Variants in EYS observed in about 807,000 individuals in gnomAD.
EYS encodes protein eyes shut homolog.
Under a neutral mutation model 282.1 loss-of-function variants are expected in EYS, and 250 were observed. The ratio of observed to expected loss-of-function variants is 0.89; its 90% confidence interval spans 0.80 to 0.98. The LOEUF is 0.98. Among genes scored for constraint, EYS ranks in the 50% least tolerant of loss-of-function variants. The probability of loss-of-function intolerance (pLI) is 0.00; values close to 1 mark genes in which losing one functional copy is unlikely to be tolerated. For synonymous variants in EYS, 1,355 were observed against 1,282.9 expected, an observed-to-expected ratio of 1.06 and a Z score of -1.20; for missense variants, 4,016 against 3,709.0, an observed-to-expected ratio of 1.08 and a Z score of -2.15.
intron 12 of EYS, among the ~76,000 whole-genome samples, chr6:65,252,830 T>C (rs1301967863): frequency 2.0e-5 from 3 of 151,992 alleles, no homozygotes; most frequent in Middle Eastern, 3.2e-3. Context: ...AAAGTTTTCA[T>C]TGGGTGGGTT....
chr6:64,642,920 A>G (rs764084904), intron 22 of EYS, among the ~76,000 whole-genome samples: 1 of 152,232 alleles, frequency 6.6e-6, no homozygotes, highest in South Asian at 2.1e-4. Context: ...GTTCGAGACC[A>G]GCATGACCAA....
intron 31 of EYS, among the ~76,000 whole-genome samples, chr6:64,114,887 A>C (rs1331807931): frequency 1.3e-5 from 2 of 152,038 alleles, no homozygotes; most frequent in Non-Finnish European, 2.9e-5. Flanking sequence ...CCAACCCAAC[A>C]AGAAGCTACA....
chr6:63,991,212 A>T, intron 34 of EYS, among the ~76,000 whole-genome samples: 1 of 151,828 alleles, frequency 6.6e-6, no homozygotes, highest in Non-Finnish European at 1.5e-5. Context: ...AACACTGGAG[A>T]GGACCTCAGA....
Position 65,063,871 on chromosome 6 carries a change from C to G in EYS, c.2024-6144G>C, listed in dbSNP as rs545712171. Among the ~76,000 whole-genome samples, 4 of 151,926 alleles carry G rather than the reference C, an allele frequency of 2.6e-5. No homozygotes were observed. The South Asian group carries it at 8.3e-4, about 31-fold the overall frequency. ...GTAAATCACTGTCTCTTGCCTTCCT[C>G]ACTGGTACTGATAGAAGCCAATAGT... On this transcript the variant is annotated intron_variant, in intron 12 of 42. Transcript: ENST00000503581.
At chr6:65,271,128 T>TTTTATATATATATATATATATATATA (rs1189830101) in intron 12 of EYS, among the ~76,000 whole-genome samples, 2 of 55,786 alleles carry the variant, frequency 3.6e-5, no homozygotes, top group Non-Finnish European at 7.3e-5. Context: ...AATCAATAGA[T>TTTTATATATATATATATATATATATA]TATATATATA....
intron 2 of EYS, among the ~76,000 whole-genome samples, chr6:65,614,148 A>G (rs999222833): frequency 2.6e-5 from 4 of 151,972 alleles, no homozygotes; most frequent in African/African-American, 7.2e-5. Flanking sequence ...ACAGATAATA[A>G]CTACACATTT....
intron 31 of EYS, among the ~76,000 whole-genome samples, chr6:64,150,143 A>T (rs1161245287): frequency 6.6e-6 from 1 of 152,194 alleles, no homozygotes; most frequent in Non-Finnish European, 1.5e-5. Context: ...AATTTGTCAG[A>T]AATGTGGAAT....
Position 64,031,878 on chromosome 6 carries a change from A to T in EYS, c.6726-32695T>A, listed in dbSNP as rs187155189. On this transcript the variant is annotated intron_variant, in intron 33 of 42. Transcript: ENST00000503581. ...CAATCAGCAGGATGTGGGTGGGGCC[A>T]GATAAGGGAATAAAAGCAGGCTGCC... Among the ~76,000 whole-genome samples the T allele has an allele frequency of 4.6e-3, 705 of 152,282 alleles. 3 individuals carry two copies. The highest frequency in any genetic ancestry group is 0.016 in the African/African-American group (669 of 41,560).
intron 33 of EYS, among the ~76,000 whole-genome samples, chr6:64,056,250 A>C (rs1193348238): frequency 6.6e-6 from 1 of 152,162 alleles, no homozygotes; most frequent in Admixed American, 6.5e-5. Flanking sequence ...CCTAAGATGC[A>C]GTTATTAAGT....
intron 34 of EYS, among the ~76,000 whole-genome samples, chr6:63,994,900 AACTT>A (rs1408575244): frequency 6.6e-6 from 1 of 151,954 alleles, no homozygotes; most frequent in African/African-American, 2.4e-5. Context: ...TAAAGACTTA[AACTT>A]AACACCCAAA....
intron 22 of EYS, among the ~76,000 whole-genome samples, chr6:64,660,127 G>C (rs1289823558): frequency 6.6e-6 from 1 of 151,970 alleles, no homozygotes; most frequent in East Asian, 1.9e-4. Flanking sequence ...CAGAACCAAC[G>C]ACAAAAACCA....
chr6:65,405,138 TAAAACC>T (rs1258368457), intron 6 of EYS, 30 bp downstream of exon 6: 1 of 1,522,880 alleles, frequency 6.6e-7, no homozygotes, highest in African/African-American at 1.4e-5. Context: ...AAAAAAAATT[TAAAACC>T]ACTCACTTAT....
chr6:64,079,592 C>A (rs1013396943), intron 32 of EYS, among the ~76,000 whole-genome samples: 35 of 151,948 alleles, frequency 2.3e-4, no homozygotes, highest in African/African-American at 8.4e-4. Flanking sequence ...TTTTATTATA[C>A]CTTAAGTTCT....
At chr6:63,952,246 C>T (rs1456629551) in intron 35 of EYS, among the ~76,000 whole-genome samples, 3 of 152,214 alleles carry the variant, frequency 2.0e-5, no homozygotes, top group Admixed American at 2.0e-4. Context: ...AAGCCATGTC[C>T]TATCTGTGTG....
intron 12 of EYS, among the ~76,000 whole-genome samples, chr6:65,220,775 G>A (rs62407249): frequency 0.25 from 37,413 of 152,020 alleles, 4,809 homozygotes; most frequent in Middle Eastern, 0.29. Context: ...GGAAGAGTTG[G>A]AACTTCTCAG....
chr6:64,971,142 T>A (rs1166850468), intron 14 of EYS, among the ~76,000 whole-genome samples: 2 of 152,086 alleles, frequency 1.3e-5, no homozygotes, highest in Non-Finnish European at 2.9e-5. Context: ...GGCTTGATAA[T>A]TTTAGGAAGA....
At chr6:64,732,211 G>T (rs1049068448) in intron 22 of EYS, among the ~76,000 whole-genome samples, 1 of 145,748 alleles carries the variant, frequency 6.9e-6, no homozygotes, top group Non-Finnish European at 1.5e-5. Context: ...CCTAATGTTG[G>T]TGATGGGTTG....
intron 14 of EYS, among the ~76,000 whole-genome samples, chr6:64,996,184 G>T (rs1771256693): frequency 1.3e-5 from 2 of 152,048 alleles, no homozygotes; most frequent in Non-Finnish European, 2.9e-5. Context: ...CAACCTGAGA[G>T]GTTCAGTCAA....
intron 32 of EYS, among the ~76,000 whole-genome samples, chr6:64,074,223 A>T (rs1378287221): frequency 6.6e-6 from 1 of 151,690 alleles, no homozygotes; most frequent in East Asian, 1.9e-4. Context: ...AGAACAATGA[A>T]TAATAGTATT....
Sources: allele counts gnomAD v4.1 joint callset (sites outside exome capture counted in the v4.1 genomes callset), GRCh38; gene constraint gnomAD v4.1.1; transcripts MANE v1.5; gene names NCBI Gene and HGNC (gene_info 2026-07-23, HGNC 2026-07-21).